Variants in NGFR observed in about 807,000 individuals in gnomAD.
NGFR encodes the protein nerve growth factor receptor.
Under a neutral mutation model 43.2 loss-of-function variants are expected in NGFR, and 30 were observed. That is an observed-to-expected ratio of 0.69 (90% CI 0.52 to 0.94). NGFR has a LOEUF of 0.94. NGFR is among the 40% of genes least tolerant of loss of function. The pLI is 0.00. For synonymous variants in NGFR, 246 were observed against 259.6 expected, an observed-to-expected ratio of 0.95 and a Z score of 0.50; for missense variants, 529 against 602.5, an observed-to-expected ratio of 0.88 and a Z score of 1.28.
chr17:49,502,018 C>A, intron 1 of NGFR, 45 bp from the exon 2 acceptor site: 1 of 1,320,360 alleles, frequency 7.6e-7, no homozygotes, highest in Non-Finnish European at 1.0e-6. Flanking sequence ...CAACCCACCC[C>A]AGCTTTCTCT....
In NGFR at chr17:49,513,679, C is replaced by G. The variant is rs1310691158; in HGVS notation, c.*670C>G. ...GCCAAGTGCAGGCTGGCACCGCCTT[C>G]TCTAAATGAGGGGCCTCAGGTTTGC... On this transcript the variant is annotated 3_prime_UTR_variant, in exon 6 of 6. Coordinates refer to ENST00000172229, the MANE Select transcript of NGFR (RefSeq NM_002507.4). The G allele has an allele frequency of 1.3e-5, 2 of 152,392 alleles. No homozygotes were observed. Among genetic ancestry groups the G allele is most frequent in the African/African-American group, 4.8e-5 (2 of 41,466 alleles). The allele number at this position is 152,392 out of a possible 1,614,324, so 9.4% of individuals were successfully genotyped here. A position where few individuals can be genotyped will look rare whatever the true frequency, so the allele number is the denominator to read the frequency against.
chr17:49,506,254 T>C, intron 2 of NGFR, 45 bp from the exon 3 acceptor site: 1 of 1,509,126 alleles, frequency 6.6e-7, no homozygotes, highest in Non-Finnish European at 8.8e-7. Flanking sequence ...GCGTCCCGGG[T>C]GCCCAAAAGA....
chr17:49,507,339 G>A (rs780714000), intron 3 of NGFR, among the ~76,000 whole-genome samples: 6 of 152,152 alleles, frequency 3.9e-5, no homozygotes, highest in Admixed American at 6.5e-5. Flanking sequence ...ACCGTGTTCC[G>A]CAGTTTAGTG....
At position 49,506,601 on chromosome 17, in the gene NGFR, G is replaced by T; in HGVS notation, c.511G>T (p.Glu171Ter). 6.2e-7 allele frequency: 1 copy of T among 1,605,792 alleles called. No individual in the cohort carries two copies. Residue 171 changes from glutamate to a stop codon, truncating the protein, a stop_gained, in exon 3 of 6, where the codon GAG becomes TAG. Transcript: ENST00000172229. LOFTEE classifies it high-confidence loss of function. The part of the protein sequence containing the change: ...VDPCLPCTVC[E>*]DTERQLRECT... ...CCCGTGCCTGCCCTGCACCGTGTGCGAGGACACCGAGCGCCAGCTCCGCGA... is the reference window on the plus strand; with the variant it reads ...CCCGTGCCTGCCCTGCACCGTGTGCTAGGACACCGAGCGCCAGCTCCGCGA...
intron 1 of NGFR, among the ~76,000 whole-genome samples, chr17:49,500,222 G>T (rs1270574996): frequency 2.0e-5 from 3 of 152,232 alleles, no homozygotes; most frequent in African/African-American, 7.2e-5. Flanking sequence ...ACAGGGAAGG[G>T]TGCAGCCACC....
Position 49,513,021 on chromosome 17 carries a change from G to T in NGFR, c.*12G>T. On this transcript the variant is annotated 3_prime_UTR_variant, in exon 6 of 6. Transcript: ENST00000172229. ...CATCCCCGGTGTGAGCCCAACCGGG[G>T]AGCCCCCGCCCCGCCCCACATTCCG... 6.6e-7 allele frequency: 1 copy of T among 1,516,460 alleles called. No individual in the cohort carries two copies. Among genetic ancestry groups the T allele is most frequent in the Non-Finnish European group, 8.8e-7 (1 of 1,130,394 alleles). 93.9% of individuals were successfully genotyped at this position (1,516,460 alleles called of 1,614,324 possible). A position where few individuals can be genotyped will look rare whatever the true frequency, so the allele number is the denominator to read the frequency against.
chr17:49,512,144 G>C lies in NGFR; in HGVS notation c.982+92G>C. 1 of 1,467,276 alleles carries C rather than the reference G, an allele frequency of 6.8e-7. No homozygotes were observed. The highest frequency in any genetic ancestry group is 9.1e-7 in the Non-Finnish European group (1 of 1,096,890). The allele number at this position is 1,467,276 out of a possible 1,614,324, so 90.9% of individuals were successfully genotyped here. A position where few individuals can be genotyped will look rare whatever the true frequency, so the allele number is the denominator to read the frequency against. ...AGACTCCAGGAAGGACTGTCGGGGG[G>C]GCGGCAGGGCTGGCTCAGCGGTGCC... On this transcript the variant is annotated intron_variant, in intron 5 of 5. Transcript: ENST00000172229. This position sits in a 1 kb window ranked among gnomAD's most constrained non-coding sequence, Gnocchi z 5.2.
chr17:49,501,999 A>AGGCGCCCCCCCCCCCC, intron 1 of NGFR, 64 bp from the exon 2 acceptor site: 1 of 330,984 alleles, frequency 3.0e-6, no homozygotes, highest in Non-Finnish European at 5.9e-6. Context: ...TCCCCGGAAG[A>AGGCGCCCCCCCCCCCC]ACCCCCCCCA....
At chr17:49,496,880 CT>C (rs1422560022) in intron 1 of NGFR, 1 of 152,248 alleles carries the variant, frequency 6.6e-6, no homozygotes, top group Non-Finnish European at 1.5e-5. Context: ...CAGATGTGGC[CT>C]GCTTTATGGC....
Position 49,513,069 on chromosome 17 carries a change from C to G in NGFR, c.*60C>G. On this transcript the variant is annotated 3_prime_UTR_variant, in exon 6 of 6. Coordinates refer to ENST00000172229, the MANE Select transcript of NGFR (RefSeq NM_002507.4). ...CCGACAACCGATGCTCCAGCCAACC[C>G]CTGTGGAGCCCGCACCCCCACCCTT... 7.0e-7 allele frequency: 1 copy of G among 1,437,408 alleles called. No homozygotes were observed. 89.0% of individuals were successfully genotyped at this position (1,437,408 alleles called of 1,614,324 possible).
chr17:49,507,563 G>A (rs1252566328), intron 3 of NGFR, among the ~76,000 whole-genome samples: 1 of 152,214 alleles, frequency 6.6e-6, no homozygotes, highest in Non-Finnish European at 1.5e-5. Flanking sequence ...AGGAAGCCCC[G>A]TGGGAGCCAG....
chr17:49,511,929 A>C lies in NGFR; in HGVS notation c.859A>C (p.Ser287Arg). ...CAAGCAGAACAAGCAAGGAGCCAAC[A>C]GCCGGCCAGTGAACCAGACGCCCCC... ...SCKQNKQGAN[S>R]RPVNQTPPPE... Residue 287 changes from serine (S) to arginine (R), a missense_variant, in exon 5 of 6, where the codon AGC becomes CGC. Coordinates refer to ENST00000172229, the MANE Select transcript of NGFR (RefSeq NM_002507.4). 6.2e-7 allele frequency: 1 copy of C among 1,612,456 alleles called. No homozygotes were observed. Among genetic ancestry groups the C allele is most frequent in the Non-Finnish European group, 8.5e-7 (1 of 1,179,272 alleles).
At position 49,513,104 on chromosome 17, in the gene NGFR, C is replaced by T; in HGVS notation, c.*95C>T. ...CCGCACCCCCACCCTTTGGGGGGGG[C>T]CCGCCTGGCAGAACTGAGCTCCTCT... On this transcript the variant is annotated 3_prime_UTR_variant, in exon 6 of 6. Coordinates refer to ENST00000172229, the MANE Select transcript of NGFR (RefSeq NM_002507.4). The T allele has an allele frequency of 1.5e-6, 2 of 1,307,500 alleles. No individual in the cohort carries two copies. The highest frequency in any genetic ancestry group is 2.0e-6 in the Non-Finnish European group (2 of 982,988). The allele number at this position is 1,307,500 out of a possible 1,614,324, so 81.0% of individuals were successfully genotyped here.
chr17:49,513,108 C>T lies in NGFR; in HGVS notation c.*99C>T. 7.7e-7 allele frequency: 1 copy of T among 1,292,006 alleles called. No homozygotes were observed. The highest frequency in any genetic ancestry group is 2.9e-5 in the Admixed American group (1 of 35,004). The allele number at this position is 1,292,006 out of a possible 1,614,324, so 80.0% of individuals were successfully genotyped here. A position where few individuals can be genotyped will look rare whatever the true frequency, so the allele number is the denominator to read the frequency against. ...ACCCCCACCCTTTGGGGGGGGCCCG[C>T]CTGGCAGAACTGAGCTCCTCTGGGC... On this transcript the variant is annotated 3_prime_UTR_variant, in exon 6 of 6. Transcript: ENST00000172229.
intron 4 of NGFR, among the ~76,000 whole-genome samples, chr17:49,511,613 G>A (rs1318398451): frequency 6.6e-6 from 1 of 151,960 alleles, no homozygotes; most frequent in Non-Finnish European, 1.5e-5. Context: ...ATTTTAGAAG[G>A]GTAGATTGGG....
intron 3 of NGFR, among the ~76,000 whole-genome samples, chr17:49,508,177 G>A (rs780948844): frequency 2.0e-5 from 3 of 152,246 alleles, no homozygotes; most frequent in South Asian, 2.1e-4. Flanking sequence ...CAGGCAGAGC[G>A]CAGGAAGGGT....
chr17:49,510,998 T>A (rs561485413), intron 4 of NGFR: 21 of 259,476 alleles, frequency 8.1e-5, no homozygotes, highest in African/African-American at 4.5e-4. Flanking sequence ...TGTGCATATG[T>A]CTCTTCCCCT....
chr17:49,510,415 TC>T lies in NGFR; in HGVS notation c.575del (p.Pro192LeufsTer33). ...TRWADAECEE[I>X]PGRWITRSTP... The stretch of plus-strand genomic sequence containing the variant: ...CTCCTGTGGCCTTTTCTCCCAGAGA[TC>T]CCTGGCCGTTGGATTACACGGTCCA... On this transcript the variant is annotated frameshift_variant, in exon 4 of 6. Coordinates refer to ENST00000172229, the MANE Select transcript of NGFR (RefSeq NM_002507.4). LOFTEE classifies it high-confidence loss of function. The T allele has an allele frequency of 6.2e-7, 1 of 1,613,404 alleles. No individual in the cohort carries two copies. The highest frequency in any genetic ancestry group is 8.5e-7 in the Non-Finnish European group (1 of 1,179,606).
chr17:49,508,452 A>G (rs1158792120), intron 3 of NGFR, among the ~76,000 whole-genome samples: 1 of 152,184 alleles, frequency 6.6e-6, no homozygotes, highest in Non-Finnish European at 1.5e-5. Flanking sequence ...TCAGGCTCTG[A>G]AGGGTTAAAT....
Sources: allele counts gnomAD v4.1 joint callset (sites outside exome capture counted in the v4.1 genomes callset), GRCh38; gene constraint gnomAD v4.1.1; non-coding constraint Gnocchi (gnomAD v3.1); transcripts MANE v1.5; gene names NCBI Gene and HGNC (gene_info 2026-07-23, HGNC 2026-07-21).